Variants in ALDH5A1 observed in about 807,000 individuals in gnomAD.
ALDH5A1 encodes aldehyde dehydrogenase 5 family member A1, also known as succinate-semialdehyde dehydrogenase, mitochondrial.
A neutral mutation model predicts 54.7 loss-of-function variants in ALDH5A1; 33 were observed. The ratio of observed to expected loss-of-function variants is 0.60; its 90% confidence interval spans 0.46 to 0.81. The LOEUF (loss-of-function observed/expected upper bound fraction) is 0.81. Among genes scored for constraint, ALDH5A1 ranks in the 30% least tolerant of loss-of-function variants. The probability of loss-of-function intolerance (pLI) is 0.00; values close to 1 mark genes in which losing one functional copy is unlikely to be tolerated. For missense variants in ALDH5A1, 657 were observed against 711.0 expected, an observed-to-expected ratio of 0.92 and a Z score of 0.86; for synonymous variants, 294 against 292.7, an observed-to-expected ratio of 1.00 and a Z score of -0.05.
chr6:24,501,084 T>C (rs1437973881), intron 1 of ALDH5A1, among the ~76,000 whole-genome samples: 2 of 152,154 alleles, frequency 1.3e-5, no homozygotes, highest in Non-Finnish European at 2.9e-5. Flanking sequence ...AAAGTAATCT[T>C]ATTTTAACAG....
intron 4 of ALDH5A1, among the ~76,000 whole-genome samples, chr6:24,513,405 G>C (rs1759499376): frequency 6.6e-6 from 1 of 152,118 alleles, no homozygotes. Flanking sequence ...TGACCTCAGT[G>C]TTCTTGTCAG....
chr6:24,529,300 G>A (rs1279948656), intron 8 of ALDH5A1, among the ~76,000 whole-genome samples: 1 of 151,922 alleles, frequency 6.6e-6, no homozygotes, highest in Non-Finnish European at 1.5e-5. Context: ...CCGAGTAGCT[G>A]GGACTACAGG....
intron 4 of ALDH5A1, among the ~76,000 whole-genome samples, chr6:24,514,645 A>C (rs998152331): frequency 3.9e-5 from 6 of 152,010 alleles, no homozygotes; most frequent in Admixed American, 3.9e-4. Flanking sequence ...CAGGAGAATC[A>C]CTTGAATCTG....
chr6:24,525,880 C>T (rs1759789300), intron 7 of ALDH5A1, among the ~76,000 whole-genome samples: 1 of 151,932 alleles, frequency 6.6e-6, no homozygotes, highest in South Asian at 2.1e-4. Context: ...GGGTCATTCC[C>T]ACCATCCCTT....
chr6:24,515,065 T>C, intron 4 of ALDH5A1, 102 bp from the exon 5 acceptor site: 2 of 1,310,668 alleles, frequency 1.5e-6, no homozygotes, highest in Non-Finnish European at 2.1e-6. Flanking sequence ...TTTTCTTCCA[T>C]TACTTTTTGG....
rs898287589 is a variant in ALDH5A1, at chr6:24,518,139, AAG to A, written c.871-2253_871-2252del. ...GGAATTCCCCTCTCCTTCACTAGAG[AAG>A]AGAGAGAGCTGTTTTGCTTTCTGTT... is the stretch of plus-strand genomic sequence containing the variant. On this transcript the variant is annotated intron_variant, in intron 5 of 9. Coordinates refer to ENST00000357578, the MANE Select transcript of ALDH5A1 (RefSeq NM_001080.3). This position sits in a 1 kb window ranked among gnomAD's most constrained non-coding sequence, Gnocchi z 4.2. Among the ~76,000 whole-genome samples, 4 of 152,154 alleles carry A rather than the reference AAG, an allele frequency of 2.6e-5. No homozygotes were observed. The highest frequency in any genetic ancestry group is 2.6e-4 in the Admixed American group (4 of 15,274).
intron 2 of ALDH5A1, 88 bp from the exon 3 acceptor site, chr6:24,503,175 C>G (rs1289164130): frequency 3.3e-6 from 5 of 1,502,786 alleles, no homozygotes; most frequent in Non-Finnish European, 4.5e-6. Context: ...CTTTTCTACT[C>G]TTGTTGCATC....
intron 4 of ALDH5A1, among the ~76,000 whole-genome samples, chr6:24,512,231 C>T (rs1311761649): frequency 6.6e-6 from 1 of 152,200 alleles, no homozygotes; most frequent in African/African-American, 2.4e-5. Flanking sequence ...TTTGGGGTGT[C>T]TCCCAGGTCC....
intron 8 of ALDH5A1, among the ~76,000 whole-genome samples, chr6:24,530,170 TC>T: frequency 6.6e-6 from 1 of 152,122 alleles, no homozygotes; most frequent in South Asian, 2.1e-4. Flanking sequence ...CTTCTGCGAG[TC>T]CCTCCCCTCA....
intron 4 of ALDH5A1, among the ~76,000 whole-genome samples, chr6:24,506,089 G>C (rs72834958): frequency 0.26 from 39,429 of 151,332 alleles, 5,322 homozygotes; most frequent in Non-Finnish European, 0.28. Flanking sequence ...TCAGTGGGCA[G>C]GGCTAGGAGA....
At position 24,534,961 on chromosome 6, in the gene ALDH5A1, T is replaced by A. The variant is rs149522807; in HGVS notation, c.*1249T>A. 37 of 152,336 alleles carry A rather than the reference T, an allele frequency of 2.4e-4. 1 individual carries two copies. In the East Asian group the frequency reaches 6.9e-3, roughly 29 times the overall value. The allele number at this position is 152,336 out of a possible 1,614,324, so 9.4% of individuals were successfully genotyped here. ...TTTATCTAATGAGAGTTTTTACAGCTCATCATTCAAATAACGCACAAAAAA... is the reference window on the plus strand; with the variant it reads ...TTTATCTAATGAGAGTTTTTACAGCACATCATTCAAATAACGCACAAAAAA... On this transcript the variant is annotated 3_prime_UTR_variant, in exon 10 of 10. Transcript: ENST00000357578.
At chr6:24,505,322 A>C (rs914501072) in intron 4 of ALDH5A1, among the ~76,000 whole-genome samples, 1 of 152,188 alleles carries the variant, frequency 6.6e-6, no homozygotes, top group Non-Finnish European at 1.5e-5. Context: ...TTCAATCTGC[A>C]TTCCATTAGA....
chr6:24,503,147 G>T, intron 2 of ALDH5A1, 116 bp from the exon 3 acceptor site: 1 of 1,281,652 alleles, frequency 7.8e-7, no homozygotes, highest in Non-Finnish European at 1.1e-6. Context: ...CCCACTCTAT[G>T]GGTATCGTTA....
intron 4 of ALDH5A1, among the ~76,000 whole-genome samples, chr6:24,510,756 T>G (rs1344699945): frequency 6.6e-6 from 1 of 152,208 alleles, no homozygotes; most frequent in Non-Finnish European, 1.5e-5. Context: ...TCTCATCCAT[T>G]CTGCAATTCT....
At chr6:24,524,891 T>C (rs1475985019) in intron 7 of ALDH5A1, among the ~76,000 whole-genome samples, 1 of 152,204 alleles carries the variant, frequency 6.6e-6, no homozygotes, top group African/African-American at 2.4e-5. Flanking sequence ...AGCCTAGGCA[T>C]TGGCATTTTC....
intron 7 of ALDH5A1, among the ~76,000 whole-genome samples, chr6:24,527,207 G>T (rs901844835): frequency 6.6e-6 from 1 of 151,706 alleles, no homozygotes; most frequent in African/African-American, 2.4e-5. Context: ...TATCAATCAG[G>T]TGGAGTACAA....
intron 7 of ALDH5A1, among the ~76,000 whole-genome samples, chr6:24,525,563 C>T (rs1759783687): frequency 1.3e-5 from 2 of 151,702 alleles, no homozygotes. Context: ...GAAAAATTAG[C>T]CAGGTGTGGT....
chr6:24,524,656 A>T (rs1238750950), intron 7 of ALDH5A1, among the ~76,000 whole-genome samples: 1 of 152,192 alleles, frequency 6.6e-6, no homozygotes, highest in Non-Finnish European at 1.5e-5. Flanking sequence ...ACTCTAGATA[A>T]AGAAAATACA....
intron 5 of ALDH5A1, among the ~76,000 whole-genome samples, chr6:24,517,711 C>T (rs1363141940): frequency 2.0e-5 from 3 of 152,198 alleles, no homozygotes; most frequent in Non-Finnish European, 4.4e-5. Context: ...CAGTGATGCA[C>T]CTCTAGTGAC....
Sources: allele counts gnomAD v4.1 joint callset (sites outside exome capture counted in the v4.1 genomes callset), GRCh38; gene constraint gnomAD v4.1.1; non-coding constraint Gnocchi (gnomAD v3.1); transcripts MANE v1.5; gene names NCBI Gene and HGNC (gene_info 2026-07-23, HGNC 2026-07-21).